The following ADGRF1 variants were observed in gnomAD, a reference collection of about 807,000 sequenced individuals.
ADGRF1 encodes adhesion G protein-coupled receptor F1.
Under a neutral mutation model 87.2 loss-of-function variants are expected in ADGRF1, and 85 were observed. The observed-to-expected ratio is 0.97, with a 90% CI of 0.82 to 1.17. The LOEUF (loss-of-function observed/expected upper bound fraction) is 1.17, where lower values mean the gene tolerates loss of function less well. Ranked by LOEUF, ADGRF1 falls within the 50% of genes most tolerant of loss-of-function variation. ADGRF1 has a pLI of 0.00. For synonymous variants in ADGRF1, 430 were observed against 408.8 expected (o/e 1.05, Z -0.63); for missense variants, 1,169 against 1,077.2 (o/e 1.09, Z -1.19).
chr6:47,027,001 G>C (rs922073830), intron 3 of ADGRF1, among the ~76,000 whole-genome samples: 2 of 152,166 alleles, frequency 1.3e-5, no homozygotes, highest in Admixed American at 6.5e-5. Flanking sequence ...CTAGTTCTGT[G>C]CCTTAGTTTC....
At chr6:47,012,277 A>G in intron 9 of ADGRF1, 82 bp from the exon 10 acceptor site, 2 of 1,556,880 alleles carry the variant, frequency 1.3e-6, no homozygotes, top group Non-Finnish European at 8.7e-7. Flanking sequence ...TTGGCCATAT[A>G]GAACTAACAT....
intron 13 of ADGRF1, among the ~76,000 whole-genome samples, chr6:47,002,897 T>G (rs1779399473): frequency 6.6e-6 from 1 of 152,164 alleles, no homozygotes; most frequent in Non-Finnish European, 1.5e-5. Context: ...TTTCATTCCC[T>G]TCAGTCAACT....
chr6:47,010,249 C>G lies in ADGRF1; in HGVS notation c.1186G>C (p.Glu396Gln), dbSNP rs34094841. The G allele has an allele frequency of 1.2e-6, 2 of 1,613,744 alleles. No homozygotes were observed. The highest frequency in any genetic ancestry group is 1.3e-5 in the African/African-American group (1 of 74,924). Residue 396 changes from glutamate to glutamine, a missense_variant, in exon 11 of 15, where the codon GAA becomes CAA. Coordinates refer to ENST00000371253, the MANE Select transcript of ADGRF1 (RefSeq NM_153840.4). ...AACCGTGAGCTGGCATACTTTTCTT[C>G]CCGCAGTAAGACTGTCCAGTTGGTT... ...SVTNWTVLLR[E>Q]EKYASSRLLE... is the part of the protein sequence containing the mutation.
intron 10 of ADGRF1, among the ~76,000 whole-genome samples, chr6:47,011,250 G>A (rs1387271488): frequency 6.6e-6 from 1 of 152,104 alleles, no homozygotes; most frequent in Non-Finnish European, 1.5e-5. Flanking sequence ...AACTCAGGGA[G>A]TTTAACTTAC....
intron 7 of ADGRF1, chr6:47,019,849 C>G (rs1358399378): frequency 1.0e-6 from 1 of 984,654 alleles, no homozygotes; most frequent in Admixed American, 6.2e-5. Context: ...ACATGGCTAA[C>G]TAAACAACTT....
At position 47,022,994 on chromosome 6, in the gene ADGRF1, T is replaced by A. The variant is rs1356046448; in HGVS notation, c.452-936A>T. Among the ~76,000 whole-genome samples the A allele has an allele frequency of 2.6e-5, 4 of 152,076 alleles. No individual in the cohort carries two copies. In the South Asian group the frequency reaches 8.3e-4, roughly 32 times the overall value. ...AAATAGCTAATTTTTGTATTTTTTG[T>A]AGAGATGCATTTTTGCCATGTTGCC... is the stretch of plus-strand genomic sequence containing the variant. On this transcript the variant is annotated intron_variant, in intron 5 of 14. Transcript: ENST00000371253.
At chr6:47,004,123 C>G (rs1160419502) in intron 13 of ADGRF1, among the ~76,000 whole-genome samples, 2 of 152,178 alleles carry the variant, frequency 1.3e-5, no homozygotes, top group Non-Finnish European at 2.9e-5. Context: ...AACTTCAACT[C>G]TAGCCTGTCA....
chr6:47,010,258 A>C lies in ADGRF1; in HGVS notation c.1177T>G (p.Leu393Val), dbSNP rs1449278062. The C allele has an allele frequency of 6.2e-7, 1 of 1,613,938 alleles. No homozygotes were observed. Among genetic ancestry groups the C allele is most frequent in the South Asian group, 1.1e-5 (1 of 91,066 alleles). The change falls in exon 11 of 15, where the codon TTA (leucine) becomes GTA (valine). Residue 393 changes from leucine to valine, a missense_variant. Physicochemically the swap from Leu to Val is conservative, Grantham distance 32 (BLOSUM62 1). Coordinates refer to ENST00000371253, the MANE Select transcript of ADGRF1 (RefSeq NM_153840.4). ...CTGGCATACTTTTCTTCCCGCAGTA[A>C]GACTGTCCAGTTGGTTACTGAGGCT... Reference protein sequence around the residue: ...NSASVTNWTVLLREEKYASSR... With the variant: ...NSASVTNWTVVLREEKYASSR...
chr6:47,040,703 T>G (rs1780716553), intron 1 of ADGRF1, among the ~76,000 whole-genome samples: 1 of 152,136 alleles, frequency 6.6e-6, no homozygotes. Context: ...AGTGCCCTCT[T>G]GCTCCTGCCA....
chr6:47,024,363 A>G, intron 4 of ADGRF1, 146 bp from the exon 5 acceptor site: 1 of 632,144 alleles, frequency 1.6e-6, no homozygotes, highest in Non-Finnish European at 2.7e-6. Context: ...TGCCTAGGCT[A>G]GAATACAGTG....
chr6:47,026,169 T>C (rs1780227939), intron 3 of ADGRF1, among the ~76,000 whole-genome samples, 166 bp from the exon 4 acceptor site: 1 of 151,986 alleles, frequency 6.6e-6, no homozygotes, highest in Admixed American at 6.6e-5. Context: ...ACACTGAGGG[T>C]AAACACAAGC....
intron 12 of ADGRF1, among the ~76,000 whole-genome samples, chr6:47,006,964 A>T (rs962149403): frequency 6.6e-6 from 1 of 152,240 alleles, no homozygotes; most frequent in Admixed American, 6.5e-5. Flanking sequence ...TTGCTATGGA[A>T]TTACTGCCAT....
Position 47,014,892 on chromosome 6 carries a change from G to T in ADGRF1, c.764-48C>A, listed in dbSNP as rs73480729. 2.2e-3 allele frequency: 3,428 copies of T among 1,545,276 alleles called. 70 individuals carry two copies. In the African/African-American group the frequency reaches 0.041, roughly 19 times the overall value. On this transcript the variant is annotated intron_variant, in intron 8 of 14. Transcript: ENST00000371253. ...AAGAAAAATGATCCTAGAATATCCT[G>T]GCACTCTATATAAACCATGTAGTCA... is the stretch of plus-strand genomic sequence containing the variant.
intron 7 of ADGRF1, chr6:47,019,906 T>C: frequency 1.0e-6 from 1 of 985,330 alleles, no homozygotes. Flanking sequence ...AATATTTCTT[T>C]ATTTGCTGTA....
At chr6:47,035,015 T>C (rs985380094) in intron 1 of ADGRF1, among the ~76,000 whole-genome samples, 5 of 152,216 alleles carry the variant, frequency 3.3e-5, no homozygotes, top group Admixed American at 2.6e-4. Flanking sequence ...TCACTCAGGA[T>C]GATTTGTTGT....
chr6:47,021,025 T>TTC (rs909494397), intron 6 of ADGRF1, among the ~76,000 whole-genome samples: 16 of 152,308 alleles, frequency 1.1e-4, no homozygotes, highest in Admixed American at 9.8e-4. Context: ...ACCTTTGAGA[T>TTC]TGCTAATAAA....
chr6:47,014,380 T>C (rs1779798685), intron 9 of ADGRF1: 2 of 1,067,930 alleles, frequency 1.9e-6, no homozygotes, highest in African/African-American at 3.3e-5. Flanking sequence ...TGAGGCCAGC[T>C]TAGTTGCTGC....
intron 9 of ADGRF1, chr6:47,012,980 GC>G (rs1342417298): frequency 1.3e-6 from 1 of 743,228 alleles, no homozygotes; most frequent in Non-Finnish European, 1.6e-6. Context: ...CACCATGTTG[GC>G]CAGGCTGGTC....
rs1004713654 is a variant in ADGRF1 at position 47,016,288 on chromosome 6, G to C, written c.763+329C>G. ...ACATAATTTCTTGGATTGTGACTTA[G>C]GAATATTGTCAGCCTCAGGGCTCTT... On this transcript the variant is annotated intron_variant, in intron 8 of 14. Transcript: ENST00000371253. Among the ~76,000 whole-genome samples, 3 of 152,244 alleles carry C rather than the reference G, an allele frequency of 2.0e-5. No homozygotes were observed. In the East Asian group the frequency reaches 5.8e-4, roughly 29 times the overall value.
Sources: allele counts gnomAD v4.1 joint callset (sites outside exome capture counted in the v4.1 genomes callset), GRCh38; gene constraint gnomAD v4.1.1; transcripts MANE v1.5; gene names NCBI Gene and HGNC (gene_info 2026-07-23, HGNC 2026-07-21).